The following SND1 variants were observed in gnomAD, a reference collection of about 807,000 sequenced individuals.
The protein encoded by SND1 is staphylococcal nuclease domain-containing protein 1.
A neutral mutation model predicts 121.7 loss-of-function variants in SND1; 38 were observed. The ratio of observed to expected loss-of-function variants is 0.31; its 90% CI spans 0.24 to 0.41. SND1 has a LOEUF of 0.41. SND1 is among the 10% of genes least tolerant of loss of function. The probability of loss-of-function intolerance (pLI) is 1.00; values close to 1 mark genes in which losing one functional copy is unlikely to be tolerated. For synonymous variants in SND1, 401 were observed against 447.4 expected (o/e 0.90, Z 1.31); for missense variants, 868 against 1,184.6 (o/e 0.73, Z 3.92).
At chr7:127,864,004 T>C (rs1799424892) in intron 12 of SND1, among the ~76,000 whole-genome samples, 1 of 152,198 alleles carries the variant, frequency 6.6e-6, no homozygotes, top group Non-Finnish European at 1.5e-5. Flanking sequence ...GAAGTGTCTC[T>C]ATTGATGGTG....
chr7:127,858,771 T>C (rs1431174307), intron 12 of SND1, among the ~76,000 whole-genome samples: 1 of 152,232 alleles, frequency 6.6e-6, no homozygotes, highest in Non-Finnish European at 1.5e-5. Flanking sequence ...AAAAGCAACA[T>C]GTGCTGAAAC....
intron 15 of SND1, among the ~76,000 whole-genome samples, chr7:127,970,630 C>T (rs939032443): frequency 6.6e-6 from 1 of 152,118 alleles, no homozygotes; most frequent in Non-Finnish European, 1.5e-5. Flanking sequence ...TATACATGAA[C>T]TTGTATGAAA....
At chr7:127,900,141 G>A (rs893446107) in intron 13 of SND1, among the ~76,000 whole-genome samples, 1 of 152,124 alleles carries the variant, frequency 6.6e-6, no homozygotes, top group African/African-American at 2.4e-5. Flanking sequence ...AAAATTCACA[G>A]ATACTTTAGG....
At chr7:128,066,163 C>A (rs1309927578) in intron 16 of SND1, among the ~76,000 whole-genome samples, 1 of 152,182 alleles carries the variant, frequency 6.6e-6, no homozygotes, top group Non-Finnish European at 1.5e-5. Flanking sequence ...TCAGGCAGGA[C>A]CGAAGCTGCC....
intron 10 of SND1, among the ~76,000 whole-genome samples, chr7:127,767,670 A>G (rs916907304): frequency 2.0e-5 from 3 of 152,220 alleles, no homozygotes; most frequent in Admixed American, 2.0e-4. Flanking sequence ...AATTCTCTTC[A>G]TTGATCAGTG....
At chr7:127,811,833 T>C (rs895717855) in intron 11 of SND1, among the ~76,000 whole-genome samples, 3 of 152,230 alleles carry the variant, frequency 2.0e-5, no homozygotes, top group African/African-American at 7.2e-5. Context: ...ATGTGGCTCA[T>C]TTGTAATTTG....
chr7:127,852,497 A>G (rs1281477112), intron 12 of SND1, among the ~76,000 whole-genome samples: 5 of 151,104 alleles, frequency 3.3e-5, no homozygotes, highest in African/African-American at 1.2e-4. Flanking sequence ...CTCTAAAAAA[A>G]AAAAAAAAAA....
chr7:127,793,527 T>TTAG (rs146050034), intron 10 of SND1, among the ~76,000 whole-genome samples: 1 of 152,228 alleles, frequency 6.6e-6, no homozygotes, highest in Non-Finnish European at 1.5e-5. Context: ...GGGAGTTAGG[T>TTAG]TAGGGTGCCA....
At chr7:127,816,322 A>G (rs1798440430) in intron 11 of SND1, among the ~76,000 whole-genome samples, 1 of 152,244 alleles carries the variant, frequency 6.6e-6, no homozygotes, top group Admixed American at 6.5e-5. Flanking sequence ...AATTAGCACA[A>G]GACTGTCTAC....
At chr7:128,011,865 G>C (rs550968965) in intron 16 of SND1, among the ~76,000 whole-genome samples, 1 of 152,292 alleles carries the variant, frequency 6.6e-6, no homozygotes, top group Admixed American at 6.5e-5. Context: ...CTTCCACAAA[G>C]AAAAGGGGGA....
chr7:127,876,302 A>C (rs188394438), intron 12 of SND1, among the ~76,000 whole-genome samples: 1 of 152,286 alleles, frequency 6.6e-6, no homozygotes, highest in African/African-American at 2.4e-5. Flanking sequence ...CAGTGTTTGG[A>C]ATTGGTCAGC....
At chr7:128,090,482 CAA>C (rs1273409674) in intron 22 of SND1, among the ~76,000 whole-genome samples, 1 of 152,192 alleles carries the variant, frequency 6.6e-6, no homozygotes, top group Non-Finnish European at 1.5e-5. Context: ...GCGAACCATC[CAA>C]GAGGGCCAGA....
At chr7:127,720,848 A>G (rs1796482167) in intron 9 of SND1, among the ~76,000 whole-genome samples, 1 of 151,920 alleles carries the variant, frequency 6.6e-6, no homozygotes, top group Non-Finnish European at 1.5e-5. Context: ...GGGGCATCCT[A>G]TTTTGGTTCT....
At position 128,019,181 on chromosome 7, in the gene SND1, G is replaced by A. The variant is rs570738083; in HGVS notation, c.1779+28125G>A. Among the ~76,000 whole-genome samples the A allele has an allele frequency of 6.6e-5, 10 of 152,290 alleles. No homozygotes were observed. In the East Asian group the frequency reaches 1.9e-3, roughly 29 times the overall value. ...TCCTGTGGTCACCCCCTGGTCCAGA[G>A]AATCTGCCCATGATGGGTAGTCCTT... On this transcript the variant is annotated intron_variant, in intron 16 of 23. Coordinates refer to ENST00000354725, the MANE Select transcript of SND1 (RefSeq NM_014390.4).
At chr7:127,720,851 T>C (rs1796482257) in intron 9 of SND1, among the ~76,000 whole-genome samples, 2 of 152,190 alleles carry the variant, frequency 1.3e-5, no homozygotes, top group Non-Finnish European at 2.9e-5. Context: ...GCATCCTATT[T>C]TGGTTCTTTC....
intron 10 of SND1, among the ~76,000 whole-genome samples, chr7:127,776,288 A>G (rs528198894): frequency 3.9e-5 from 6 of 152,332 alleles, no homozygotes; most frequent in Non-Finnish European, 7.3e-5. Context: ...TGGCATTATG[A>G]TAAACTTCCA....
intron 18 of SND1, among the ~76,000 whole-genome samples, chr7:128,082,795 C>G (rs1266217595): frequency 1.3e-5 from 2 of 152,196 alleles, no homozygotes; most frequent in Non-Finnish European, 2.9e-5. Flanking sequence ...CACCAGAGAA[C>G]TTGAGCAAAA....
chr7:127,972,989 T>C (rs1802034430), intron 15 of SND1, among the ~76,000 whole-genome samples: 1 of 152,206 alleles, frequency 6.6e-6, no homozygotes, highest in African/African-American at 2.4e-5. Flanking sequence ...GACTGCTGTA[T>C]GGAGACAAGA....
intron 10 of SND1, among the ~76,000 whole-genome samples, chr7:127,806,405 T>C (rs957125136): frequency 9.9e-5 from 15 of 152,224 alleles, no homozygotes; most frequent in African/African-American, 3.6e-4. Flanking sequence ...TAGCCACCTC[T>C]TTTAGGAGAA....
Sources: gnomAD v4.1 joint callset for allele counts (sites outside exome capture counted in the v4.1 genomes callset) on GRCh38, gnomAD v4.1.1 for gene constraint, MANE v1.5 for transcripts, NCBI Gene and HGNC (gene_info 2026-07-23, HGNC 2026-07-21) for gene names.